The following PTPRT variants were observed in gnomAD, a reference collection of about 807,000 sequenced individuals.
PTPRT encodes the protein protein tyrosine phosphatase receptor type T, also known as receptor-type tyrosine-protein phosphatase T.
A neutral mutation model predicts 176.8 loss-of-function variants in PTPRT; 56 were observed. That is an observed-to-expected ratio of 0.32 (90% CI 0.26 to 0.40). The LOEUF (loss-of-function observed/expected upper bound fraction) is 0.40. PTPRT is among the 10% of genes least tolerant of loss of function. The pLI is 1.00. For missense variants in PTPRT, 1,540 were observed against 1,908.2 expected (o/e 0.81, Z 3.60); for synonymous variants, 783 against 739.0 (o/e 1.06, Z -0.96).
intron 12 of PTPRT, among the ~76,000 whole-genome samples, chr20:42,297,698 C>T (rs2057408013): frequency 6.6e-6 from 1 of 152,050 alleles, no homozygotes; most frequent in African/African-American, 2.4e-5. Context: ...TAGAATACGA[C>T]ATCCAGAAAA....
intron 9 of PTPRT, among the ~76,000 whole-genome samples, chr20:42,404,300 G>A (rs1488727818): frequency 6.6e-6 from 1 of 151,994 alleles, no homozygotes; most frequent in African/African-American, 2.4e-5. Context: ...ACCCTGCAGG[G>A]GACTTGAATG....
At chr20:43,144,907 A>C (rs1409875673) in intron 1 of PTPRT, among the ~76,000 whole-genome samples, 2 of 152,174 alleles carry the variant, frequency 1.3e-5, no homozygotes, top group African/African-American at 4.8e-5. Context: ...GATCTGCAGG[A>C]TCTGACCATT....
chr20:42,160,435 G>A (rs1989541443), intron 17 of PTPRT, among the ~76,000 whole-genome samples: 1 of 150,386 alleles, frequency 6.6e-6, no homozygotes, highest in Non-Finnish European at 1.5e-5. Context: ...GGCCTAATGG[G>A]CAGGATTTGA....
chr20:43,102,152 T>G (rs2012413468), intron 1 of PTPRT, among the ~76,000 whole-genome samples: 1 of 152,122 alleles, frequency 6.6e-6, no homozygotes, highest in Admixed American at 6.5e-5. Flanking sequence ...ACATTGCTGA[T>G]GAAGTCTAAA....
chr20:42,508,935 T>A (rs893270338), intron 7 of PTPRT, among the ~76,000 whole-genome samples: 8 of 143,606 alleles, frequency 5.6e-5, no homozygotes, highest in Non-Finnish European at 9.1e-5. Flanking sequence ...ATAATATAAT[T>A]TATAAATATA....
chr20:42,350,246 T>TG (rs2058262564), intron 11 of PTPRT, among the ~76,000 whole-genome samples: 1 of 144,674 alleles, frequency 6.9e-6, no homozygotes, highest in Non-Finnish European at 1.5e-5. Context: ...TTTTTTTTTT[T>TG]GAGACAGGGT....
At chr20:43,023,086 G>A (rs1003777772) in intron 1 of PTPRT, among the ~76,000 whole-genome samples, 2 of 152,180 alleles carry the variant, frequency 1.3e-5, no homozygotes, top group African/African-American at 4.8e-5. Context: ...GATGTTAAGA[G>A]CTTCTTTATC....
intron 9 of PTPRT, among the ~76,000 whole-genome samples, chr20:42,426,160 A>G (rs961288667): frequency 5.3e-5 from 8 of 152,100 alleles, no homozygotes; most frequent in Non-Finnish European, 1.0e-4. Flanking sequence ...ACAGCCCTAA[A>G]TGGGAACAGG....
At chr20:43,071,819 T>C (rs1368547321) in intron 1 of PTPRT, among the ~76,000 whole-genome samples, 1 of 152,220 alleles carries the variant, frequency 6.6e-6, no homozygotes, top group African/African-American at 2.4e-5. Flanking sequence ...AAAGTTCACA[T>C]TTTCAAAAGA....
At chr20:42,059,090 G>A in the PTPRT span, among the ~76,000 whole-genome samples, 1 of 152,154 alleles carries the variant, frequency 6.6e-6, no homozygotes, top group South Asian at 2.1e-4. Flanking sequence ...GTGAGAAGTG[G>A]GAGCTGCTGA....
At chr20:42,566,034 C>G (rs2073034248) in intron 7 of PTPRT, among the ~76,000 whole-genome samples, 1 of 152,060 alleles carries the variant, frequency 6.6e-6, no homozygotes, top group African/African-American at 2.4e-5. Flanking sequence ...TATTTCCTAC[C>G]CTATGTTGGC....
rs1982210282 is a variant in PTPRT, at chr20:42,964,974, A to C, written c.89-79042T>G. Among the ~76,000 whole-genome samples the C allele has an allele frequency of 2.0e-5, 3 of 152,222 alleles. No homozygotes were observed. The South Asian group carries it at 6.2e-4, about 32-fold the overall frequency. ...TTCTTAGTAAAATAGTTCAATTATT[A>C]TTTTAAAGTGATTCTCTACCTACTA... is the stretch of plus-strand genomic sequence containing the variant. On this transcript the variant is annotated intron_variant, in intron 1 of 30. Coordinates refer to ENST00000373187, the MANE Select transcript of PTPRT (RefSeq NM_007050.6).
intron 7 of PTPRT, among the ~76,000 whole-genome samples, chr20:42,513,738 C>T (rs1402526835): frequency 6.6e-6 from 1 of 152,136 alleles, no homozygotes; most frequent in Non-Finnish European, 1.5e-5. Flanking sequence ...CTTTGCTGCA[C>T]TCTTCTAATT....
intron 15 of PTPRT, among the ~76,000 whole-genome samples, chr20:42,204,597 G>A (rs764416534): frequency 1.3e-5 from 2 of 152,170 alleles, no homozygotes; most frequent in Non-Finnish European, 2.9e-5. Flanking sequence ...AGGTGAGGAC[G>A]AGGTGACGCG....
chr20:42,406,703 G>C (rs2058964352), intron 9 of PTPRT, among the ~76,000 whole-genome samples: 1 of 151,990 alleles, frequency 6.6e-6, no homozygotes, highest in South Asian at 2.1e-4. Flanking sequence ...AATAAAACTA[G>C]AGATAAATTT....
chr20:42,724,627 T>A (rs1412821929), intron 6 of PTPRT, among the ~76,000 whole-genome samples: 1 of 152,168 alleles, frequency 6.6e-6, no homozygotes, highest in African/African-American at 2.4e-5. Flanking sequence ...ATTCTGCTCA[T>A]ATCCCTGTAA....
chr20:42,713,200 C>G (rs748569381), intron 6 of PTPRT, among the ~76,000 whole-genome samples: 12 of 151,854 alleles, frequency 7.9e-5, no homozygotes, highest in Non-Finnish European at 1.3e-4. Flanking sequence ...CATTGGTAAT[C>G]TCCAGGGAAG....
chr20:42,630,390 T>C (rs142336771), intron 7 of PTPRT, among the ~76,000 whole-genome samples: 224 of 152,258 alleles, frequency 1.5e-3, no homozygotes, highest in African/African-American at 5.1e-3. Context: ...CTATGGTAAT[T>C]TGTTATAGCA....
intron 27 of PTPRT, among the ~76,000 whole-genome samples, chr20:42,090,029 G>A (rs749879613): frequency 8.5e-5 from 13 of 152,160 alleles, no homozygotes; most frequent in Non-Finnish European, 1.5e-4. Context: ...TCTTCTTGAA[G>A]CTCCCTGGAT....
Sources: allele counts gnomAD v4.1 joint callset (sites outside exome capture counted in the v4.1 genomes callset), GRCh38; gene constraint gnomAD v4.1.1; transcripts MANE v1.5; gene names NCBI Gene and HGNC (gene_info 2026-07-23, HGNC 2026-07-21).